Variants in CACNG2 observed in about 807,000 individuals in gnomAD.
The protein encoded by CACNG2 is voltage-dependent calcium channel gamma-2 subunit.
A neutral mutation model predicts 25.9 loss-of-function variants in CACNG2; 3 were observed. The ratio of observed to expected loss-of-function variants is 0.12; its 90% CI spans 0.05 to 0.30. The LOEUF (loss-of-function observed/expected upper bound fraction) is 0.30, where lower values mean the gene tolerates loss of function less well. Among genes scored for constraint, CACNG2 ranks in the 10% least tolerant of loss-of-function variants. The pLI is 1.00. For missense variants in CACNG2, 341 were observed against 432.5 expected (o/e 0.79, Z 1.88); for synonymous variants, 167 against 173.3 (o/e 0.96, Z 0.29).
intron 1 of CACNG2, among the ~76,000 whole-genome samples, chr22:36,644,446 A>T (rs1027108392): frequency 6.6e-6 from 1 of 152,196 alleles, no homozygotes; most frequent in Non-Finnish European, 1.5e-5. Flanking sequence ...TGCTGAAGCA[A>T]GTGGGGCTTA....
intron 1 of CACNG2, among the ~76,000 whole-genome samples, chr22:36,668,063 T>C (rs764787937): frequency 6.6e-6 from 1 of 152,186 alleles, no homozygotes; most frequent in African/African-American, 2.4e-5. Flanking sequence ...GGTGATACTA[T>C]TAGGTCCATT....
intron 1 of CACNG2, among the ~76,000 whole-genome samples, chr22:36,650,951 T>A (rs1233327320): frequency 1.3e-5 from 2 of 152,216 alleles, no homozygotes; most frequent in African/African-American, 4.8e-5. Flanking sequence ...TTGTCATTCA[T>A]CTCCTTCAGG....
intron 1 of CACNG2, among the ~76,000 whole-genome samples, chr22:36,590,604 A>G (rs865988224): frequency 2.0e-5 from 3 of 152,214 alleles, no homozygotes; most frequent in Middle Eastern, 3.4e-3. Context: ...CCAGGCCACC[A>G]TCCCTGCTCC....
chr22:36,578,020 G>A (rs755456049), intron 2 of CACNG2, among the ~76,000 whole-genome samples: 1 of 148,832 alleles, frequency 6.7e-6, no homozygotes, highest in East Asian at 2.1e-4. Flanking sequence ...TTGGGCCTCC[G>A]TTTTTCCCTC....
rs80186770 is a variant in CACNG2 at position 36,660,388 on chromosome 22, G to T, written c.211+41978C>A. Among the ~76,000 whole-genome samples, 18 of 152,384 alleles carry T rather than the reference G, an allele frequency of 1.2e-4. No homozygotes were observed. The East Asian group carries it at 3.3e-3, about 28-fold the overall frequency. ...GCTTCAGCCCTCCAGTGCCAGGCGC[G>T]CACAGGCATATGTCACATTTCAGCA... On this transcript the variant is annotated intron_variant, in intron 1 of 3. Coordinates refer to ENST00000300105, the MANE Select transcript of CACNG2 (RefSeq NM_006078.5).
At chr22:36,695,492 A>AC (rs1178347110) in intron 1 of CACNG2, among the ~76,000 whole-genome samples, 2 of 7,878 alleles carry the variant, frequency 2.5e-4, no homozygotes, top group African/African-American at 1.0e-3. Flanking sequence ...CCACTCCCCC[A>AC]CCCCCACCCC....
chr22:36,575,456 G>C (rs1491003539), intron 2 of CACNG2, among the ~76,000 whole-genome samples: 2 of 151,998 alleles, frequency 1.3e-5, no homozygotes, highest in Non-Finnish European at 2.9e-5. Context: ...GGCCAGGCCA[G>C]ACAGGGCACG....
intron 1 of CACNG2, among the ~76,000 whole-genome samples, chr22:36,671,145 CTGATCTCA>C (rs748629661): frequency 3.2e-4 from 49 of 152,094 alleles, no homozygotes; most frequent in Non-Finnish European, 6.3e-4. Context: ...TCTTGAACTC[CTGATCTCA>C]TGATCTGCCT....
chr22:36,631,125 G>T (rs533538846), intron 1 of CACNG2, among the ~76,000 whole-genome samples: 1 of 152,112 alleles, frequency 6.6e-6, no homozygotes, highest in Admixed American at 6.5e-5. Flanking sequence ...CACCGTACCC[G>T]GCCCTCTTGA....
intron 1 of CACNG2, among the ~76,000 whole-genome samples, chr22:36,653,273 G>A (rs1936647615): frequency 6.6e-6 from 1 of 152,190 alleles, no homozygotes; most frequent in Non-Finnish European, 1.5e-5. Flanking sequence ...GCAGTGAACC[G>A]AGATCACATC....
chr22:36,624,424 A>C (rs997156479), intron 1 of CACNG2, among the ~76,000 whole-genome samples: 2 of 152,174 alleles, frequency 1.3e-5, no homozygotes, highest in African/African-American at 4.8e-5. Context: ...AAACAGGCCC[A>C]GAGAGGTCAG....
At chr22:36,627,772 G>A (rs1053387538) in intron 1 of CACNG2, among the ~76,000 whole-genome samples, 4 of 151,844 alleles carry the variant, frequency 2.6e-5, no homozygotes, top group African/African-American at 2.4e-5. Context: ...ACAGGCGTGC[G>A]CCACCATGCC....
chr22:36,625,945 A>C lies in CACNG2; in HGVS notation c.212-38397T>G, dbSNP rs561715470. ...CCTTTTTTTTGTTTGTTTGAGATGG[A>C]ATCTTACTCTGTCACCCAGGCTGGA... On this transcript the variant is annotated intron_variant, in intron 1 of 3. Transcript: ENST00000300105. Among the ~76,000 whole-genome samples the C allele has an allele frequency of 3.0e-4, 46 of 152,164 alleles. 2 individuals are homozygous for C. Among genetic ancestry groups the C allele is most frequent in the Non-Finnish European group, 1.2e-4 (8 of 68,000 alleles).
At chr22:36,616,509 G>A (rs970827361) in intron 1 of CACNG2, among the ~76,000 whole-genome samples, 3 of 152,182 alleles carry the variant, frequency 2.0e-5, no homozygotes, top group Non-Finnish European at 2.9e-5. Context: ...CCCAGCGAGA[G>A]TGTAAGTTCC....
chr22:36,571,246 C>T (rs1569016121), intron 2 of CACNG2, among the ~76,000 whole-genome samples: 1 of 151,956 alleles, frequency 6.6e-6, no homozygotes, highest in African/African-American at 2.4e-5. Context: ...CACATGAAGT[C>T]AGGAGTTCGA....
intron 1 of CACNG2, among the ~76,000 whole-genome samples, chr22:36,645,334 G>C (rs866088157): frequency 1.3e-5 from 2 of 151,914 alleles, no homozygotes; most frequent in Non-Finnish European, 2.9e-5. Context: ...TCAGGAGATC[G>C]AGACCATCCT....
chr22:36,691,895 T>C (rs1937271782), intron 1 of CACNG2, among the ~76,000 whole-genome samples: 1 of 152,116 alleles, frequency 6.6e-6, no homozygotes, highest in Non-Finnish European at 1.5e-5. Context: ...TCTGCAAACA[T>C]GGTGGAGGAA....
intron 1 of CACNG2, among the ~76,000 whole-genome samples, chr22:36,688,796 G>T (rs529302645): frequency 6.6e-6 from 1 of 152,250 alleles, no homozygotes. Flanking sequence ...CAGACCTGTG[G>T]CATCAGCCTC....
chr22:36,623,750 AATG>A (rs751592800), intron 1 of CACNG2, among the ~76,000 whole-genome samples: 28 of 151,856 alleles, frequency 1.8e-4, no homozygotes, highest in Non-Finnish European at 2.4e-4. Context: ...TAAAAATGAT[AATG>A]ATAACTACTA....
Sources: gnomAD v4.1 joint callset for allele counts (sites outside exome capture counted in the v4.1 genomes callset) on GRCh38, gnomAD v4.1.1 for gene constraint, MANE v1.5 for transcripts, NCBI Gene and HGNC (gene_info 2026-07-23, HGNC 2026-07-21) for gene names.